Variants in PDE3B observed in about 807,000 individuals in gnomAD.
PDE3B encodes the protein phosphodiesterase 3B, also known as cGMP-inhibited 3',5'-cyclic phosphodiesterase 3B.
Under a neutral mutation model 116.8 loss-of-function variants are expected in PDE3B, and 66 were observed. The observed-to-expected ratio is 0.56, with a 90% CI of 0.46 to 0.69. The LOEUF (loss-of-function observed/expected upper bound fraction) is 0.69. Ranked by LOEUF, PDE3B falls within the 30% of genes least tolerant of loss-of-function variation. The pLI is 0.00. For synonymous variants in PDE3B, 595 were observed against 533.6 expected, an observed-to-expected ratio of 1.12 and a Z score of -1.59; for missense variants, 1,384 against 1,368.1, an observed-to-expected ratio of 1.01 and a Z score of -0.18.
At chr11:14,700,894 A>T (rs1291779975) in intron 1 of PDE3B, 1 of 151,838 alleles carries the variant, frequency 6.6e-6, no homozygotes, top group South Asian at 2.1e-4. Flanking sequence ...TTAGGTATCA[A>T]TTACTACTTG....
intron 1 of PDE3B, among the ~76,000 whole-genome samples, chr11:14,650,065 C>A (rs112305371): frequency 2.8e-5 from 4 of 145,168 alleles, no homozygotes; most frequent in African/African-American, 1.0e-4. Context: ...TTTTTTTTTT[C>A]TTTTACAACC....
chr11:14,854,544 G>C (rs1446787107), intron 12 of PDE3B, among the ~76,000 whole-genome samples: 1 of 151,328 alleles, frequency 6.6e-6, no homozygotes, highest in African/African-American at 2.4e-5. Flanking sequence ...TGTGAGACAG[G>C]GTCTCACTCT....
In PDE3B at chr11:14,869,880, C is replaced by T. The variant is rs534404515; in HGVS notation, c.*220C>T. 5 of 453,298 alleles carry T rather than the reference C, an allele frequency of 1.1e-5. No individual in the cohort carries two copies. In the South Asian group the frequency reaches 1.4e-4, roughly 13 times the overall value. 28.1% of individuals were successfully genotyped at this position (453,298 alleles called of 1,614,324 possible). On this transcript the variant is annotated 3_prime_UTR_variant, in exon 16 of 16. Coordinates refer to ENST00000282096, the MANE Select transcript of PDE3B (RefSeq NM_000922.4). ...CTATTCTTAAACCAAAAATACCATC[C>T]GTGTTGACCCATGTTGCAGAGCCCT...
At chr11:14,891,592 A>G in the PDE3B span, 5 of 1,049,060 alleles carry the variant, frequency 4.8e-6, no homozygotes, top group South Asian at 3.2e-5. Flanking sequence ...TGCAGCTTCC[A>G]CAGAGCTGCG....
At chr11:14,726,240 C>A (rs181745074) in intron 1 of PDE3B, among the ~76,000 whole-genome samples, 10 of 152,216 alleles carry the variant, frequency 6.6e-5, no homozygotes, top group Non-Finnish European at 1.5e-4. Flanking sequence ...ATTCCCTTAG[C>A]CCATTTTTAT....
chr11:14,758,109 G>C lies in PDE3B; in HGVS notation c.979-13828G>C, dbSNP rs374056112. Among the ~76,000 whole-genome samples the C allele has an allele frequency of 2.6e-5, 4 of 152,242 alleles. No homozygotes were observed. The East Asian group carries it at 5.8e-4, about 22-fold the overall frequency. On this transcript the variant is annotated intron_variant, in intron 1 of 15. Coordinates refer to ENST00000282096, the MANE Select transcript of PDE3B (RefSeq NM_000922.4). The stretch of plus-strand genomic sequence containing the variant: ...TGTCAGGTTTGTCAAAGATCAGATA[G>C]TTGTAGATATGTGGCGTTATTTCTG...
At chr11:14,701,724 A>G (rs1855366204) in intron 1 of PDE3B, among the ~76,000 whole-genome samples, 2 of 151,556 alleles carry the variant, frequency 1.3e-5, no homozygotes, top group Admixed American at 1.3e-4. Context: ...ATGAATTTAA[A>G]ATCTATTTTT....
downstream of PDE3B, among the ~76,000 whole-genome samples, chr11:14,876,160 A>G (rs1270458): frequency 1.6e-3 from 248 of 152,226 alleles, no homozygotes; most frequent in African/African-American, 5.8e-3. Flanking sequence ...CTGGGATGAG[A>G]GATTTGCTGT....
At chr11:14,684,318 T>A (rs563617349) in intron 1 of PDE3B, among the ~76,000 whole-genome samples, 1 of 152,152 alleles carries the variant, frequency 6.6e-6, no homozygotes, top group Non-Finnish European at 1.5e-5. Context: ...CACGTATCGG[T>A]AGGACCATGA....
intron 1 of PDE3B, chr11:14,674,657 A>T (rs1232604431): frequency 3.4e-6 from 1 of 289,870 alleles, no homozygotes; most frequent in African/African-American, 2.2e-5. Context: ...CTGTTATTTG[A>T]ACTACTTAAA....
intron 7 of PDE3B, among the ~76,000 whole-genome samples, chr11:14,828,737 T>C (rs1341662160): frequency 6.6e-6 from 1 of 152,206 alleles, no homozygotes; most frequent in Non-Finnish European, 1.5e-5. Context: ...TCGGTCATTG[T>C]GGTAGACAGT....
the PDE3B span, chr11:14,890,803 C>T: frequency 2.2e-6 from 2 of 928,334 alleles, no homozygotes; most frequent in African/African-American, 3.6e-5. Context: ...CCGCCTCGGC[C>T]TCCTAAAGTG....
At chr11:14,774,159 G>A (rs1248331853) in intron 2 of PDE3B, 1 of 152,148 alleles carries the variant, frequency 6.6e-6, no homozygotes, top group Non-Finnish European at 1.5e-5. Flanking sequence ...TGCCCTGGCT[G>A]TTTGGTTGTG....
the PDE3B span, chr11:14,892,334 G>A: frequency 2.3e-6 from 2 of 886,226 alleles, no homozygotes; most frequent in Non-Finnish European, 1.7e-6. Flanking sequence ...GGCTGACTGA[G>A]TGAGCGCTCA....
At position 14,738,783 on chromosome 11, in the gene PDE3B, G is replaced by T. The variant is rs553763953; in HGVS notation, c.979-33154G>T. 2.0e-5 allele frequency among the ~76,000 whole-genome samples: 3 copies of T among 152,244 alleles called. No homozygotes were observed. In the South Asian group the frequency reaches 6.2e-4, roughly 32 times the overall value. On this transcript the variant is annotated intron_variant, in intron 1 of 15. Coordinates refer to ENST00000282096, the MANE Select transcript of PDE3B (RefSeq NM_000922.4). ...CATCTTGAGTTAATTTTTGTATAAGGTGTAAGAAAGGGGTCCAGTTTCAGT... is the reference window on the plus strand; with the variant it reads ...CATCTTGAGTTAATTTTTGTATAAGTTGTAAGAAAGGGGTCCAGTTTCAGT...
chr11:14,732,960 T>A (rs1339725697), intron 1 of PDE3B, among the ~76,000 whole-genome samples: 1 of 152,248 alleles, frequency 6.6e-6, no homozygotes, highest in African/African-American at 2.4e-5. Context: ...CATATACACC[T>A]AATGAGATTG....
chr11:14,890,591 G>A, the PDE3B span: 1 of 238,754 alleles, frequency 4.2e-6, no homozygotes, highest in Non-Finnish European at 5.7e-6. Context: ...CTGTTGCCCA[G>A]GCTGGAGTGC....
At chr11:14,725,738 A>G (rs921443300) in intron 1 of PDE3B, among the ~76,000 whole-genome samples, 1 of 150,532 alleles carries the variant, frequency 6.6e-6, no homozygotes, top group Non-Finnish European at 1.5e-5. Flanking sequence ...AATTATATGC[A>G]CTATTTCTTT....
At chr11:14,661,670 C>T (rs553954127) in intron 1 of PDE3B, among the ~76,000 whole-genome samples, 61 of 152,312 alleles carry the variant, frequency 4.0e-4, no homozygotes, top group Non-Finnish European at 7.2e-4. Flanking sequence ...GCACCTGGCT[C>T]GGAGGGTCCT....
Sources: gnomAD v4.1 joint callset for allele counts (sites outside exome capture counted in the v4.1 genomes callset) on GRCh38, gnomAD v4.1.1 for gene constraint, MANE v1.5 for transcripts, NCBI Gene and HGNC (gene_info 2026-07-23, HGNC 2026-07-21) for gene names.